ATOH8: variants seen among roughly 807,000 people sequenced by gnomAD.
The protein encoded by ATOH8 is transcription factor ATOH8.
Under a neutral mutation model 21.2 loss-of-function variants are expected in ATOH8, and 9 were observed. The observed-to-expected ratio is 0.42, with a 90% CI of 0.26 to 0.74. The LOEUF is 0.74. ATOH8 is among the 30% of genes least tolerant of loss of function. The pLI is 0.24. For missense variants in ATOH8, 524 were observed against 470.9 expected (o/e 1.11, Z -1.04); for synonymous variants, 253 against 224.0 (o/e 1.13, Z -1.16).
chr2:85,757,939 C>T (rs952142465), intron 1 of ATOH8, among the ~76,000 whole-genome samples: 141 of 152,158 alleles, frequency 9.3e-4, no homozygotes, highest in African/African-American at 3.3e-3. Flanking sequence ...GTGCGCACCA[C>T]CACACCTGGG....
chr2:85,766,957 A>T lies in ATOH8; in HGVS notation c.960+2775A>T, dbSNP rs1303031018. Among the ~76,000 whole-genome samples the T allele has an allele frequency of 6.6e-6, 1 of 151,622 alleles. No homozygotes were observed. The highest frequency in any genetic ancestry group is 1.5e-5 in the Non-Finnish European group (1 of 67,888). The stretch of plus-strand genomic sequence containing the variant: ...CGGCAGATGTCCTGCCCCAGAGTGG[A>T]CTCATGGGCCCTGACACCGAGGGGG... On this transcript the variant is annotated intron_variant, in intron 2 of 2. Coordinates refer to ENST00000306279, the MANE Select transcript of ATOH8 (RefSeq NM_032827.7). The surrounding 1 kb of genome is among the most constrained non-coding windows in gnomAD (Gnocchi z 4.0).
rs558778833 is a variant in ATOH8, at chr2:85,754,085, G to A, written c.-105G>A. Reference sequence around the variant, plus strand: ...GGGGCGAGGGGGAGAAAGGGAGAGAGGGAGGGGGAGGGCGGGCGAAGCGGG... The same window carrying A: ...GGGGCGAGGGGGAGAAAGGGAGAGAAGGAGGGGGAGGGCGGGCGAAGCGGG... On this transcript the variant is annotated 5_prime_UTR_variant, in exon 1 of 3. Transcript: ENST00000306279. 4 of 1,310,566 alleles carry A rather than the reference G, an allele frequency of 3.1e-6. No homozygotes were observed. Among genetic ancestry groups the A allele is most frequent in the African/African-American group, 3.2e-5 (2 of 63,478 alleles). 81.2% of individuals were successfully genotyped at this position (1,310,566 alleles called of 1,614,324 possible). A position where few individuals can be genotyped will look rare whatever the true frequency, so the allele number is the denominator to read the frequency against.
Position 85,764,129 on chromosome 2 carries a change from G to C in ATOH8, c.907G>C (p.Val303Leu), listed in dbSNP as rs1186372529. 6.2e-7 allele frequency: 1 copy of C among 1,614,200 alleles called. No homozygotes were observed. The highest frequency in any genetic ancestry group is 8.5e-7 in the Non-Finnish European group (1 of 1,180,038). The change falls in exon 2 of 3, where the codon GTG becomes CTG. Residue 303 changes from valine to leucine, a missense_variant. By Grantham distance (32) the Val-to-Leu change is conservative. Transcript: ENST00000306279. ...CAGCAACCTCAGCTTCTCCGAGTGTGTGCAGCGCTGCACCCGCACCCTGCA... is the reference window on the plus strand; with the variant it reads ...CAGCAACCTCAGCTTCTCCGAGTGTCTGCAGCGCTGCACCCGCACCCTGCA... ...DHSNLSFSEC[V>L]QRCTRTLQAE...
In ATOH8 at chr2:85,784,751, C is replaced by A. The variant is rs142237717; in HGVS notation, c.961-2134C>A. On this transcript the variant is annotated intron_variant, in intron 2 of 2. Coordinates refer to ENST00000306279, the MANE Select transcript of ATOH8 (RefSeq NM_032827.7). The stretch of plus-strand genomic sequence containing the variant: ...GCAATGCTAATCTGCCTCCCCTCCC[C>A]TCACTGTACAAGTGACGGAATGAAG... Among the ~76,000 whole-genome samples, 1,075 of 152,318 alleles carry A rather than the reference C, an allele frequency of 7.1e-3. 16 individuals carry two copies. The highest frequency in any genetic ancestry group is 0.024 in the African/African-American group (1,003 of 41,560).
intron 2 of ATOH8, among the ~76,000 whole-genome samples, 176 bp downstream of exon 2, chr2:85,764,358 TGTGTCTCTA>T (rs1679949589): frequency 6.6e-6 from 1 of 152,150 alleles, no homozygotes; most frequent in Non-Finnish European, 1.5e-5. Flanking sequence ...GGATTATAGG[TGTGTCTCTA>T]CTTCTGGTAA....
intron 2 of ATOH8, among the ~76,000 whole-genome samples, chr2:85,781,884 ATAAAAAAT>A (rs1680506189): frequency 1.8e-5 from 1 of 57,052 alleles, no homozygotes; most frequent in South Asian, 7.1e-4. Flanking sequence ...TCTAAAAAAA[ATAAAAAAT>A]AAATAAAAAT....
chr2:85,785,077 G>GGGGCTGGCCCC lies in ATOH8; in HGVS notation c.961-1807_961-1797dup, dbSNP rs1034704216. Among the ~76,000 whole-genome samples the GGGGCTGGCCCC allele has an allele frequency of 2.6e-4, 39 of 152,378 alleles. No homozygotes were observed. Among genetic ancestry groups the GGGGCTGGCCCC allele is most frequent in the African/African-American group, 8.9e-4 (37 of 41,594 alleles). On this transcript the variant is annotated intron_variant, in intron 2 of 2. Transcript: ENST00000306279. This position sits in a 1 kb window ranked among gnomAD's most constrained non-coding sequence, Gnocchi z 4.1. ...GGGACTAAGAGCCAACAGACGGCTT[G>GGGGCTGGCCCC]GGGCTGGCCCCAGGCTGCCCTGACC...
At chr2:85,773,625 G>A (rs1480337558) in intron 2 of ATOH8, 1 of 152,218 alleles carries the variant, frequency 6.6e-6, no homozygotes. Context: ...TGCCTCCCCA[G>A]ATCCAGAAGC....
rs751095097 is a variant in ATOH8 at position 85,754,304 on chromosome 2, G to C, written c.115G>C (p.Gly39Arg). The change falls in exon 1 of 3, where the codon GGC (glycine) becomes CGC (arginine). Residue 39 changes from glycine (G) to arginine (R), a missense_variant. Coordinates refer to ENST00000306279, the MANE Select transcript of ATOH8 (RefSeq NM_032827.7). Reference sequence around the variant, plus strand: ...CAAGGAGCCGGCGCGGCGCGCGAACGGCTATAAAACTTTCCGACTGGACTT... The same window carrying C: ...CAAGGAGCCGGCGCGGCGCGCGAACCGCTATAAAACTTTCCGACTGGACTT... ...KGKEPARRAN[G>R]YKTFRLDLEA... The C allele has an allele frequency of 5.6e-6, 9 of 1,610,068 alleles. No homozygotes were observed. Among genetic ancestry groups the C allele is most frequent in the South Asian group, 2.2e-5 (2 of 90,972 alleles).
intron 1 of ATOH8, among the ~76,000 whole-genome samples, chr2:85,757,424 G>A (rs1348202435): frequency 6.6e-6 from 1 of 152,254 alleles, no homozygotes; most frequent in African/African-American, 2.4e-5. Flanking sequence ...CTAGGCTCGG[G>A]CCTGACTGAA....
chr2:85,790,323 T>C lies in ATOH8; in HGVS notation c.*3433T>C, dbSNP rs781189087. 1.3e-5 allele frequency among the ~76,000 whole-genome samples: 2 copies of C among 150,102 alleles called. No individual in the cohort carries two copies. Among genetic ancestry groups the C allele is most frequent in the African/African-American group, 2.5e-5 (1 of 39,526 alleles). On this transcript the variant is annotated 3_prime_UTR_variant, in exon 3 of 3. Transcript: ENST00000306279. Reference sequence around the variant, plus strand: ...CCCCACGTGTGCACACCCATCTTCATGTGTGTGTGTGCCAGCCTCCTGCTC... The same window carrying C: ...CCCCACGTGTGCACACCCATCTTCACGTGTGTGTGTGCCAGCCTCCTGCTC...
intron 2 of ATOH8, among the ~76,000 whole-genome samples, chr2:85,770,527 A>G (rs185878238): frequency 9.2e-5 from 14 of 152,360 alleles, no homozygotes; most frequent in Middle Eastern, 3.4e-3. Flanking sequence ...TTCCAATTAC[A>G]TAGACGTTTG....
chr2:85,781,737 G>A (rs1447277465), intron 2 of ATOH8, among the ~76,000 whole-genome samples: 1 of 151,952 alleles, frequency 6.6e-6, no homozygotes, highest in African/African-American at 2.4e-5. Context: ...AACTAGCCAG[G>A]TGTGGTGGCA....
rs762308440 is a variant in ATOH8 at position 85,764,042 on chromosome 2, A to G, written c.820A>G (p.Ile274Val). The part of the protein sequence containing the change: ...QKLSKLAILR[I>V]ACNYILSLAR... ...GCTGTCCAAACTGGCCATCCTGAGGATCGCCTGTAACTACATCCTGTCCCT... is the reference window on the plus strand; with the variant it reads ...GCTGTCCAAACTGGCCATCCTGAGGGTCGCCTGTAACTACATCCTGTCCCT... The change falls in exon 2 of 3, where the codon ATC (isoleucine) becomes GTC (valine). Residue 274 changes from isoleucine to valine, a missense_variant. Physicochemically the swap from Ile to Val is conservative, Grantham distance 29 (BLOSUM62 3). Transcript: ENST00000306279. The G allele has an allele frequency of 4.8e-5, 77 of 1,614,040 alleles. No homozygotes were observed. Among genetic ancestry groups the G allele is most frequent in the Non-Finnish European group, 4.5e-5 (53 of 1,180,036 alleles).
rs781183419 is a variant in ATOH8, at chr2:85,754,611, A to C, written c.422A>C (p.Glu141Ala). 348 of 1,487,212 alleles carry C rather than the reference A, an allele frequency of 2.3e-4. No individual in the cohort carries two copies. Among genetic ancestry groups the C allele is most frequent in the Non-Finnish European group, 3.0e-4 (334 of 1,126,054 alleles). 92.1% of individuals were successfully genotyped at this position (1,487,212 alleles called of 1,614,324 possible). A position where few individuals can be genotyped will look rare whatever the true frequency, so the allele number is the denominator to read the frequency against. ...CAGAGCCAGGCACCTGGGGGCCCAG[A>C]GGCACAGCCTTTCCGGGAGCCGGGT... is the stretch of plus-strand genomic sequence containing the variant. ...APQSQAPGGP[E>A]AQPFREPGLR... Residue 141 changes from glutamate (E) to alanine (A), a missense_variant, in exon 1 of 3, where the codon GAG (glutamate) becomes GCG (alanine). Physicochemically the swap from Glu to Ala is moderately radical, Grantham distance 107. Transcript: ENST00000306279.
chr2:85,758,997 G>T (rs1424897000), intron 1 of ATOH8, among the ~76,000 whole-genome samples: 2 of 152,218 alleles, frequency 1.3e-5, no homozygotes, highest in Non-Finnish European at 2.9e-5. Context: ...GGTCCCTCAG[G>T]GTTGATGGAG....
chr2:85,756,680 C>G (rs893931845), intron 1 of ATOH8, among the ~76,000 whole-genome samples: 6 of 152,206 alleles, frequency 3.9e-5, no homozygotes, highest in African/African-American at 1.4e-4. Flanking sequence ...ATTGGATTAA[C>G]TCATTTTATA....
At position 85,766,337 on chromosome 2, in the gene ATOH8, C is replaced by T. The variant is rs540255907; in HGVS notation, c.960+2155C>T. On this transcript the variant is annotated intron_variant, in intron 2 of 2. Coordinates refer to ENST00000306279, the MANE Select transcript of ATOH8 (RefSeq NM_032827.7). This position sits in a 1 kb window ranked among gnomAD's most constrained non-coding sequence, Gnocchi z 4.0. ...CGACTGTTTCCTCTCCACCCTCCCT[C>T]CCCCACACCCAGCCCGGGCCTGAGG... Among the ~76,000 whole-genome samples the T allele has an allele frequency of 4.6e-5, 7 of 152,094 alleles. No homozygotes were observed. Among genetic ancestry groups the T allele is most frequent in the Admixed American group, 1.3e-4 (2 of 15,292 alleles).
At chr2:85,764,850 C>T (rs1237732817) in intron 2 of ATOH8, among the ~76,000 whole-genome samples, 2 of 152,302 alleles carry the variant, frequency 1.3e-5, no homozygotes, top group East Asian at 1.9e-4. Context: ...GACAGATTCA[C>T]TCCCTGCCCA....
Sources: allele counts gnomAD v4.1 joint callset (sites outside exome capture counted in the v4.1 genomes callset), GRCh38; gene constraint gnomAD v4.1.1; non-coding constraint Gnocchi (gnomAD v3.1); transcripts MANE v1.5; gene names NCBI Gene and HGNC (gene_info 2026-07-23, HGNC 2026-07-21).